The following GANC variants were observed in gnomAD, a reference collection of about 807,000 sequenced individuals.
The protein encoded by GANC is neutral alpha-glucosidase C.
A neutral mutation model predicts 124.2 loss-of-function variants in GANC; 117 were observed. The ratio of observed to expected loss-of-function variants is 0.94; its 90% CI spans 0.81 to 1.10. GANC has a LOEUF of 1.10. GANC is among the 50% of genes least tolerant of loss of function. GANC has a pLI of 0.00. For synonymous variants in GANC, 377 were observed against 376.8 expected, an observed-to-expected ratio of 1.00 and a Z score of -0.01; for missense variants, 1,140 against 1,095.0, an observed-to-expected ratio of 1.04 and a Z score of -0.58.
intron 7 of GANC, among the ~76,000 whole-genome samples, chr15:42,307,088 C>T (rs529479531): frequency 3.9e-5 from 6 of 152,178 alleles, no homozygotes; most frequent in African/African-American, 1.2e-4. Flanking sequence ...GGTAGAGGGG[C>T]GAGTTTGTCT....
At chr15:42,337,524 A>G (rs1168018898) in intron 15 of GANC, among the ~76,000 whole-genome samples, 4 of 152,162 alleles carry the variant, frequency 2.6e-5, no homozygotes, top group African/African-American at 9.7e-5. Context: ...ACGTGGACAC[A>G]TAGAGGGGAA....
In GANC at chr15:42,340,767, GTTTTTT is replaced by G; in HGVS notation, c.2152+25_2152+30del. ...GAATACATGCTGGGTGAGCATTTCT[GTTTTTT>G]TTTTTTTTTTTGAGACGGAGTCTCA... On this transcript the variant is annotated intron_variant, in intron 18 of 23. Transcript: ENST00000318010. 9 of 1,375,104 alleles carry G rather than the reference GTTTTTT, an allele frequency of 6.5e-6. No homozygotes were observed. The highest frequency in any genetic ancestry group is 2.4e-5 in the Admixed American group (1 of 42,246). The allele number at this position is 1,375,104 out of a possible 1,614,324, so 85.2% of individuals were successfully genotyped here. A position where few individuals can be genotyped will look rare whatever the true frequency, so the allele number is the denominator to read the frequency against.
intron 1 of GANC, 72 bp downstream of exon 1, chr15:42,274,582 T>C (rs2051637262): frequency 2.1e-6 from 3 of 1,410,678 alleles, no homozygotes; most frequent in Admixed American, 2.4e-5. Flanking sequence ...TTTAATTGCA[T>C]TTCTTATTTG....
At position 42,326,375 on chromosome 15, in the gene GANC, C is replaced by T; in HGVS notation, c.1371C>T (p.Phe457=). 1.9e-6 allele frequency: 3 copies of T among 1,614,082 alleles called. No individual in the cohort carries two copies. The change falls in exon 12 of 24, where the codon TTC becomes TTT. Residue 457 remains phenylalanine (F), a synonymous_variant. Coordinates refer to ENST00000318010, the MANE Select transcript of GANC (RefSeq NM_198141.3). Reference sequence around the variant, plus strand: ...ATGTGAAGGCCAAAGATCAGGGCTTCTTTGTGAAGAATCAGGAAGGGGAAG... The same window carrying T: ...ATGTGAAGGCCAAAGATCAGGGCTTTTTTGTGAAGAATCAGGAAGGGGAAG... ...SVYVKAKDQG[F]FVKNQEGEDF...
chr15:42,323,211 A>G (rs1375238259), intron 11 of GANC, among the ~76,000 whole-genome samples: 1 of 152,212 alleles, frequency 6.6e-6, no homozygotes, highest in African/African-American at 2.4e-5. Context: ...CATGGCAAGA[A>G]TATGAACCAT....
intron 10 of GANC, among the ~76,000 whole-genome samples, chr15:42,313,148 T>C (rs1476070199): frequency 6.6e-6 from 1 of 152,204 alleles, no homozygotes; most frequent in African/African-American, 2.4e-5. Flanking sequence ...AATAGTCTCT[T>C]GAGCATATGG....
rs1196721901 is a variant in GANC at position 42,330,513 on chromosome 15, T to G, written c.1645-63T>G. On this transcript the variant is annotated intron_variant, in intron 14 of 23. Coordinates refer to ENST00000318010, the MANE Select transcript of GANC (RefSeq NM_198141.3). ...GTTTGCTTTTTGTATGTTAGATAGC[T>G]TATTGGGGATGTCTGTACAAATCCA... The G allele has an allele frequency of 6.1e-6, 7 of 1,139,910 alleles. No homozygotes were observed. The East Asian group carries it at 1.7e-4, about 27-fold the overall frequency. The allele number at this position is 1,139,910 out of a possible 1,614,324, so 70.6% of individuals were successfully genotyped here. A position where few individuals can be genotyped will look rare whatever the true frequency, so the allele number is the denominator to read the frequency against.
At chr15:42,325,816 T>A (rs1482879201) in intron 11 of GANC, among the ~76,000 whole-genome samples, 1 of 152,188 alleles carries the variant, frequency 6.6e-6, no homozygotes, top group Non-Finnish European at 1.5e-5. Context: ...GATTGCAGTA[T>A]CATGATCATG....
intron 3 of GANC, among the ~76,000 whole-genome samples, chr15:42,286,273 T>G (rs539108427): frequency 6.6e-6 from 1 of 152,234 alleles, no homozygotes; most frequent in South Asian, 2.1e-4. Flanking sequence ...CCTTTCTGTT[T>G]TAAAACTTAT....
intron 21 of GANC, 56 bp downstream of exon 21, chr15:42,348,272 C>T (rs192018014): frequency 9.3e-7 from 1 of 1,074,386 alleles, no homozygotes; most frequent in African/African-American, 1.6e-5. Flanking sequence ...CAGTGATAGC[C>T]TTTTGAGTGT....
intron 2 of GANC, among the ~76,000 whole-genome samples, chr15:42,276,917 A>G (rs141188609): frequency 5.3e-5 from 8 of 152,180 alleles, no homozygotes; most frequent in African/African-American, 1.9e-4. Context: ...TCTGAGGAGA[A>G]ATTCATATGA....
chr15:42,310,256 T>A, intron 8 of GANC, 27 bp from the exon 9 acceptor site: 1 of 1,509,954 alleles, frequency 6.6e-7, no homozygotes, highest in Non-Finnish European at 9.0e-7. Context: ...TTTGTGATGG[T>A]AATTGATGAT....
chr15:42,348,274 T>C (rs1017179515), intron 21 of GANC, 58 bp downstream of exon 21: 12 of 1,047,876 alleles, frequency 1.1e-5, no homozygotes, highest in Non-Finnish European at 1.7e-5. Context: ...GTGATAGCCT[T>C]TTGAGTGTGT....
At chr15:42,295,115 C>T (rs755213353) in intron 5 of GANC, among the ~76,000 whole-genome samples, 7 of 151,656 alleles carry the variant, frequency 4.6e-5, no homozygotes, top group African/African-American at 1.2e-4. Context: ...GGGACTACAG[C>T]GCCCACCACC....
rs553458486 is a variant in GANC, at chr15:42,278,642, G to A, written c.201+52G>A. 6 of 1,304,774 alleles carry A rather than the reference G, an allele frequency of 4.6e-6. No homozygotes were observed. In the East Asian group the frequency reaches 1.2e-4, roughly 26 times the overall value. 80.8% of individuals were successfully genotyped at this position (1,304,774 alleles called of 1,614,324 possible). A position where few individuals can be genotyped will look rare whatever the true frequency, so the allele number is the denominator to read the frequency against. ...AATAATTTGTTTCTGTATTTATTGG[G>A]CCTGAATGAAGTAAATTAAAGCTAT... is the stretch of plus-strand genomic sequence containing the variant. On this transcript the variant is annotated intron_variant, in intron 3 of 23. Transcript: ENST00000318010.
chr15:42,331,526 T>C (rs1056830208), intron 15 of GANC, among the ~76,000 whole-genome samples: 3 of 152,300 alleles, frequency 2.0e-5, no homozygotes, highest in African/African-American at 7.2e-5. Context: ...AACGGAGAGC[T>C]TAGATCCTAG....
rs544039701 is a variant in GANC at position 42,349,549 on chromosome 15, T to C, written c.2531+54T>C. ...TTCTTAAGTAAATCACACTATCCGTTCAGCATCCTCAAATCAAATGCACAG... is the reference window on the plus strand; with the variant it reads ...TTCTTAAGTAAATCACACTATCCGTCCAGCATCCTCAAATCAAATGCACAG... On this transcript the variant is annotated intron_variant, in intron 22 of 23. Coordinates refer to ENST00000318010, the MANE Select transcript of GANC (RefSeq NM_198141.3). The C allele has an allele frequency of 8.8e-5, 89 of 1,009,180 alleles. No homozygotes were observed. The African/African-American group carries it at 1.6e-3, about 18-fold the overall frequency. The allele number at this position is 1,009,180 out of a possible 1,614,324, so 62.5% of individuals were successfully genotyped here.
At chr15:42,319,818 A>T (rs550004151) in intron 10 of GANC, among the ~76,000 whole-genome samples, 1 of 152,212 alleles carries the variant, frequency 6.6e-6, no homozygotes, top group Non-Finnish European at 1.5e-5. Context: ...TGAGCATCCC[A>T]ATCTGAAAAT....
In GANC at chr15:42,322,015, C is replaced by T. The variant is rs368575859; in HGVS notation, c.1288C>T (p.Arg430Cys). ...RMQELLRSKK[R>C]KLVVISDPHI... The stretch of plus-strand genomic sequence containing the variant: ...GCAAGAGCTGCTCAGGAGCAAAAAG[C>T]GTAAGGTAAAATAAGCCAACATTTC... The change falls in exon 11 of 24, where the codon CGT becomes TGT. Residue 430 changes from arginine (R) to cysteine (C), a missense_variant. Coordinates refer to ENST00000318010, the MANE Select transcript of GANC (RefSeq NM_198141.3). The T allele has an allele frequency of 8.7e-6, 14 of 1,608,634 alleles. No individual in the cohort carries two copies. Among genetic ancestry groups the T allele is most frequent in the African/African-American group, 4.0e-5 (3 of 74,760 alleles).
Sources: allele counts gnomAD v4.1 joint callset (sites outside exome capture counted in the v4.1 genomes callset), GRCh38; gene constraint gnomAD v4.1.1; transcripts MANE v1.5; gene names NCBI Gene and HGNC (gene_info 2026-07-23, HGNC 2026-07-21).